The following CDC27 variants were observed in gnomAD, a reference collection of about 807,000 sequenced individuals.
CDC27 encodes the protein cell division cycle protein 27 homolog.
In CDC27, 27 loss-of-function variants were observed where a neutral mutation model predicts 109.7. The observed-to-expected ratio is 0.25, with a 90% CI of 0.18 to 0.34. CDC27 has a LOEUF of 0.34. Among genes scored for constraint, CDC27 ranks in the 10% least tolerant of loss-of-function variants. The pLI, the probability that CDC27 is intolerant of heterozygous loss-of-function variation, is 1.00. For missense variants in CDC27, 579 were observed against 960.2 expected (o/e 0.60, Z 5.25); for synonymous variants, 266 against 333.9 (o/e 0.80, Z 2.22).
intron 1 of CDC27, among the ~76,000 whole-genome samples, chr17:47,188,108 C>A (rs527654174): frequency 2.6e-5 from 4 of 152,162 alleles, no homozygotes; most frequent in African/African-American, 9.6e-5. Context: ...CTGTTTGATA[C>A]CTCAAGCCTT....
chr17:47,157,539 C>A (rs1397758136), intron 5 of CDC27, among the ~76,000 whole-genome samples, 155 bp from the exon 6 acceptor site: 2 of 152,114 alleles, frequency 1.3e-5, no homozygotes, highest in Non-Finnish European at 2.9e-5. Context: ...CCCCAAAAAA[C>A]CCATCTATCA....
chr17:47,119,231 G>C lies in CDC27; in HGVS notation c.*1704C>G, dbSNP rs1387437946. On this transcript the variant is annotated 3_prime_UTR_variant, in exon 19 of 19. Transcript: ENST00000066544. ...TCATTATATTTATTTTCTCCCAACT[G>C]TTCCTTTTTTTTAAAAAAGTATTGT... 2 of 151,966 alleles carry C rather than the reference G, an allele frequency of 1.3e-5. No individual in the cohort carries two copies. The highest frequency in any genetic ancestry group is 2.9e-5 in the Non-Finnish European group (2 of 68,002). 9.4% of individuals were successfully genotyped at this position (151,966 alleles called of 1,614,324 possible).
intron 9 of CDC27, among the ~76,000 whole-genome samples, chr17:47,145,694 A>G (rs925708892): frequency 1.3e-5 from 2 of 152,130 alleles, no homozygotes; most frequent in African/African-American, 2.4e-5. Context: ...CGAGGTCAAG[A>G]GATCGAGATC....
intron 4 of CDC27, among the ~76,000 whole-genome samples, chr17:47,167,597 T>A (rs1055870428): frequency 6.6e-6 from 1 of 152,232 alleles, no homozygotes; most frequent in African/African-American, 2.4e-5. Context: ...ACGTTTAATG[T>A]GATAATAAAA....
chr17:47,164,509 T>G (rs544919030), intron 4 of CDC27, among the ~76,000 whole-genome samples: 1 of 152,228 alleles, frequency 6.6e-6, no homozygotes, highest in East Asian at 1.9e-4. Flanking sequence ...ACTAGGAAAT[T>G]GACATTAGTA....
chr17:47,128,923 C>T (rs1224852189), intron 16 of CDC27, among the ~76,000 whole-genome samples: 1 of 152,104 alleles, frequency 6.6e-6, no homozygotes, highest in Admixed American at 6.5e-5. Context: ...AGGCACCTGC[C>T]ACCATGCCCA....
At position 47,181,561 on chromosome 17, in the gene CDC27, CCTT is replaced by C. The variant is rs778622621; in HGVS notation, c.101_103del (p.Glu34del). On this transcript the variant is annotated inframe_deletion and splice_region_variant, in exon 2 of 19. Coordinates refer to ENST00000066544, the MANE Select transcript of CDC27 (RefSeq NM_001256.6). ...TCTACAGCAATGAATAGATTTCAAA[CCTT>C]CTGCATAAAGGCGTTCTGCGAGGAA... The C allele has an allele frequency of 1.3e-6, 2 of 1,570,928 alleles. No individual in the cohort carries two copies. Among genetic ancestry groups the C allele is most frequent in the Non-Finnish European group, 1.8e-6 (2 of 1,142,664 alleles).
intron 7 of CDC27, among the ~76,000 whole-genome samples, chr17:47,156,135 AT>A (rs1207490915): frequency 6.6e-6 from 1 of 151,834 alleles, no homozygotes; most frequent in African/African-American, 2.4e-5. Flanking sequence ...AGAGTTTTAA[AT>A]TTTCCTCCAA....
chr17:47,159,338 A>C, intron 4 of CDC27: 1 of 705,966 alleles, frequency 1.4e-6, no homozygotes, highest in Non-Finnish European at 2.3e-6. Flanking sequence ...TGTAGGTCTT[A>C]GAGATGGCAT....
chr17:47,147,055 A>C (rs1042901071), intron 9 of CDC27, among the ~76,000 whole-genome samples: 1 of 151,978 alleles, frequency 6.6e-6, no homozygotes, highest in Non-Finnish European at 1.5e-5. Context: ...AGAGTAAAAG[A>C]CCCTGTCTCA....
At chr17:47,164,618 A>G (rs892163622) in intron 4 of CDC27, among the ~76,000 whole-genome samples, 2 of 152,174 alleles carry the variant, frequency 1.3e-5, no homozygotes, top group African/African-American at 4.8e-5. Flanking sequence ...GGAATTTGAG[A>G]CCAGCCTGGC....
intron 18 of CDC27, among the ~76,000 whole-genome samples, chr17:47,122,070 C>T (rs1475941843): frequency 6.6e-6 from 1 of 152,008 alleles, no homozygotes; most frequent in Non-Finnish European, 1.5e-5. Context: ...AAGCCTTTCA[C>T]CAAGTTTTCT....
At chr17:47,182,053 T>G (rs1295866376) in intron 1 of CDC27, among the ~76,000 whole-genome samples, 1 of 152,220 alleles carries the variant, frequency 6.6e-6, no homozygotes, top group Non-Finnish European at 1.5e-5. Flanking sequence ...CATGGTTATT[T>G]GTTAACAGGA....
chr17:47,161,134 C>T (rs1452814211), intron 4 of CDC27: 1 of 148,292 alleles, frequency 6.7e-6, no homozygotes, highest in Non-Finnish European at 1.5e-5. Flanking sequence ...AGTGATTCTC[C>T]TGCCTCAGCC....
chr17:47,141,579 T>G (rs1234061102), intron 12 of CDC27, among the ~76,000 whole-genome samples: 4 of 152,314 alleles, frequency 2.6e-5, no homozygotes, highest in Admixed American at 6.5e-5. Context: ...ATATGTATTT[T>G]CAGACACAAC....
intron 4 of CDC27, among the ~76,000 whole-genome samples, chr17:47,167,744 C>A (rs932498917): frequency 6.6e-6 from 1 of 152,194 alleles, no homozygotes; most frequent in African/African-American, 2.4e-5. Context: ...AAGCATCAAA[C>A]GCCAGCTGAA....
chr17:47,166,674 G>GA (rs1477338604), intron 4 of CDC27, among the ~76,000 whole-genome samples: 12 of 152,228 alleles, frequency 7.9e-5, no homozygotes, highest in African/African-American at 2.9e-4. Context: ...TTCTTACAGT[G>GA]AAAGCTTAGA....
chr17:47,179,897 G>A (rs1598603191), intron 2 of CDC27, among the ~76,000 whole-genome samples: 1 of 152,130 alleles, frequency 6.6e-6, no homozygotes, highest in African/African-American at 2.4e-5. Flanking sequence ...CAATTTTTAA[G>A]AGCCTAACTA....
At chr17:47,145,706 T>C (rs1274339229) in intron 9 of CDC27, among the ~76,000 whole-genome samples, 1 of 151,994 alleles carries the variant, frequency 6.6e-6, no homozygotes, top group Non-Finnish European at 1.5e-5. Context: ...ATCGAGATCA[T>C]CCTGGCCAAC....
Sources: allele counts gnomAD v4.1 joint callset (sites outside exome capture counted in the v4.1 genomes callset), GRCh38; gene constraint gnomAD v4.1.1; transcripts MANE v1.5; gene names NCBI Gene and HGNC (gene_info 2026-07-23, HGNC 2026-07-21).